The following OSBP2 variants were observed in gnomAD, a reference collection of about 807,000 sequenced individuals.
OSBP2 encodes the protein oxysterol binding protein 2.
In OSBP2, 66 loss-of-function variants were observed where a neutral mutation model predicts 96.0. The ratio of observed to expected loss-of-function variants is 0.69; its 90% CI spans 0.56 to 0.84. OSBP2 has a LOEUF of 0.84. Ranked by LOEUF, OSBP2 falls within the 40% of genes least tolerant of loss-of-function variation. The pLI is 0.00. For missense variants in OSBP2, 1,038 were observed against 1,222.7 expected (o/e 0.85, Z 2.25); for synonymous variants, 525 against 520.9 (o/e 1.01, Z -0.11).
intron 2 of OSBP2, among the ~76,000 whole-genome samples, chr22:30,741,659 G>T (rs2089938641): frequency 6.6e-6 from 1 of 152,116 alleles, no homozygotes; most frequent in African/African-American, 2.4e-5. Context: ...TGCTGCAGTG[G>T]GTTAGGTCCA....
chr22:30,774,429 C>T (rs1166981072), intron 2 of OSBP2, among the ~76,000 whole-genome samples: 1 of 152,164 alleles, frequency 6.6e-6, no homozygotes, highest in Non-Finnish European at 1.5e-5. Context: ...AGTTAAGTGC[C>T]CAGGCCTCAA....
At chr22:30,777,585 C>G (rs1020919405) in intron 2 of OSBP2, among the ~76,000 whole-genome samples, 1 of 152,200 alleles carries the variant, frequency 6.6e-6, no homozygotes, top group Non-Finnish European at 1.5e-5. Flanking sequence ...TACAACTACT[C>G]TTCCATCTGT....
chr22:30,799,136 G>A (rs748197707), intron 2 of OSBP2, among the ~76,000 whole-genome samples: 40 of 134,952 alleles, frequency 3.0e-4, no homozygotes, highest in Non-Finnish European at 5.6e-4. Flanking sequence ...TTGAGATAGG[G>A]TCTCACTGTG....
intron 2 of OSBP2, among the ~76,000 whole-genome samples, chr22:30,799,437 T>C (rs2090820066): frequency 6.6e-6 from 1 of 152,234 alleles, no homozygotes. Flanking sequence ...AAGGGTTTGT[T>C]TCTGAAGAGC....
Position 30,906,415 on chromosome 22 carries a change from G to T in OSBP2, c.*76G>T. ...TCATTAATGCACTCAATTTAGTACT[G>T]AATGGTCTTTCTCCCAGCCCATTCC... is the stretch of plus-strand genomic sequence containing the variant. On this transcript the variant is annotated 3_prime_UTR_variant, in exon 14 of 14. Coordinates refer to ENST00000332585, the MANE Select transcript of OSBP2 (RefSeq NM_030758.4). 1 of 1,446,630 alleles carries T rather than the reference G, an allele frequency of 6.9e-7. No homozygotes were observed. The highest frequency in any genetic ancestry group is 9.2e-7 in the Non-Finnish European group (1 of 1,086,150). The allele number at this position is 1,446,630 out of a possible 1,614,324, so 89.6% of individuals were successfully genotyped here. A position where few individuals can be genotyped will look rare whatever the true frequency, so the allele number is the denominator to read the frequency against.
intron 2 of OSBP2, among the ~76,000 whole-genome samples, chr22:30,765,389 T>C (rs1034386353): frequency 6.6e-6 from 1 of 152,066 alleles, no homozygotes; most frequent in Non-Finnish European, 1.5e-5. Flanking sequence ...TTTGTGTTTT[T>C]AGTAGAGATG....
At chr22:30,895,809 G>C (rs961647190) in intron 12 of OSBP2, among the ~76,000 whole-genome samples, 2 of 151,638 alleles carry the variant, frequency 1.3e-5, no homozygotes, top group Admixed American at 6.6e-5. Flanking sequence ...ATGGTGGCAC[G>C]CACCTGTAAT....
intron 2 of OSBP2, among the ~76,000 whole-genome samples, chr22:30,747,360 A>C (rs1398520104): frequency 1.3e-5 from 2 of 152,182 alleles, no homozygotes; most frequent in African/African-American, 2.4e-5. Context: ...ACACGCCTGT[A>C]ATTCCAACAC....
chr22:30,753,613 A>T (rs749868983), intron 2 of OSBP2, among the ~76,000 whole-genome samples: 1 of 151,776 alleles, frequency 6.6e-6, no homozygotes, highest in Non-Finnish European at 1.5e-5. Flanking sequence ...AGAGTGTAGA[A>T]GTCACCTGTC....
intron 2 of OSBP2, among the ~76,000 whole-genome samples, chr22:30,761,343 C>T (rs2090202489): frequency 6.6e-6 from 1 of 152,080 alleles, no homozygotes; most frequent in Admixed American, 6.6e-5. Context: ...TTTTAAAAAT[C>T]ACTTACAATG....
chr22:30,834,028 A>G (rs2038583087), intron 2 of OSBP2, among the ~76,000 whole-genome samples: 1 of 151,868 alleles, frequency 6.6e-6, no homozygotes, highest in Non-Finnish European at 1.5e-5. Context: ...TTATCCTTCC[A>G]TACATCCCTC....
At chr22:30,745,254 A>G (rs909421070) in intron 2 of OSBP2, among the ~76,000 whole-genome samples, 1 of 152,206 alleles carries the variant, frequency 6.6e-6, no homozygotes, top group Non-Finnish European at 1.5e-5. Context: ...CTAAAAGTGT[A>G]TGTTAAAAAA....
At chr22:30,766,035 A>G (rs1359403585) in intron 2 of OSBP2, among the ~76,000 whole-genome samples, 1 of 152,072 alleles carries the variant, frequency 6.6e-6, no homozygotes, top group Non-Finnish European at 1.5e-5. Context: ...AGGAGTGGAG[A>G]GCAGCCTGGG....
At chr22:30,773,626 G>A (rs1468804174) in intron 2 of OSBP2, among the ~76,000 whole-genome samples, 1 of 152,144 alleles carries the variant, frequency 6.6e-6, no homozygotes, top group Non-Finnish European at 1.5e-5. Context: ...GGGAGGGAAG[G>A]AGGGAGAGAG....
chr22:30,822,883 C>T (rs2038312748), intron 2 of OSBP2, among the ~76,000 whole-genome samples: 1 of 152,180 alleles, frequency 6.6e-6, no homozygotes, highest in African/African-American at 2.4e-5. Flanking sequence ...CGCCGGCGTG[C>T]GCTCCCGGCT....
chr22:30,743,831 C>T lies in OSBP2; in HGVS notation c.853+2462C>T, dbSNP rs548976649. 3.9e-5 allele frequency among the ~76,000 whole-genome samples: 6 copies of T among 152,118 alleles called. No individual in the cohort carries two copies. In the East Asian group the frequency reaches 5.8e-4, roughly 15 times the overall value. ...GGTTTCTTTTGCAGTTGGCAGGGTG[C>T]GGAGGTGAGGGCGGGGAGGAAGGAA... On this transcript the variant is annotated intron_variant, in intron 2 of 13. Coordinates refer to ENST00000332585, the MANE Select transcript of OSBP2 (RefSeq NM_030758.4).
intron 2 of OSBP2, among the ~76,000 whole-genome samples, chr22:30,868,501 C>G (rs2039393642): frequency 6.6e-6 from 1 of 152,262 alleles, no homozygotes; most frequent in African/African-American, 2.4e-5. Context: ...TAGGGACTGT[C>G]CCATCCCCAG....
intron 2 of OSBP2, among the ~76,000 whole-genome samples, chr22:30,868,939 C>A (rs1178844282): frequency 6.6e-6 from 1 of 152,252 alleles, no homozygotes; most frequent in African/African-American, 2.4e-5. Flanking sequence ...AGATTTTCTT[C>A]ATCTAAAAAT....
chr22:30,892,782 G>A (rs11089481), intron 8 of OSBP2, among the ~76,000 whole-genome samples: 48,954 of 152,034 alleles, frequency 0.32, 8,388 homozygotes, highest in East Asian at 0.54. Flanking sequence ...ATGAGAAGTG[G>A]ACATGGAACC....
Sources: allele counts gnomAD v4.1 joint callset (sites outside exome capture counted in the v4.1 genomes callset), GRCh38; gene constraint gnomAD v4.1.1; transcripts MANE v1.5; gene names NCBI Gene and HGNC (gene_info 2026-07-23, HGNC 2026-07-21).